WDPCP: variants seen among roughly 807,000 people sequenced by gnomAD.
WDPCP encodes WD repeat containing planar cell polarity effector.
A neutral mutation model predicts 93.1 loss-of-function variants in WDPCP; 71 were observed. The ratio of observed to expected loss-of-function variants is 0.76; its 90% CI spans 0.63 to 0.93. The LOEUF (loss-of-function observed/expected upper bound fraction) is 0.93. Among genes scored for constraint, WDPCP ranks in the 40% least tolerant of loss-of-function variants. WDPCP has a pLI of 0.00. For missense variants in WDPCP, 844 were observed against 887.4 expected (o/e 0.95, Z 0.62); for synonymous variants, 315 against 315.0 (o/e 1.00, Z 0.00).
chr2:63,707,447 G>A (rs1033522346), intron 2 of WDPCP, among the ~76,000 whole-genome samples: 11 of 152,126 alleles, frequency 7.2e-5, no homozygotes, highest in South Asian at 2.1e-4. Context: ...CATTCGTCAC[G>A]TAGATCTCGT....
At chr2:63,492,315 T>C (rs1190485094) in intron 2 of WDPCP, among the ~76,000 whole-genome samples, 1 of 152,076 alleles carries the variant, frequency 6.6e-6, no homozygotes, top group Non-Finnish European at 1.5e-5. Context: ...CCCAAAATTG[T>C]GAAAAACAAA....
intron 13 of WDPCP, among the ~76,000 whole-genome samples, chr2:63,277,829 C>A (rs893095657): frequency 1.3e-5 from 2 of 152,128 alleles, no homozygotes; most frequent in Non-Finnish European, 2.9e-5. Context: ...ACTTTACTGA[C>A]AGTACTAAAC....
At chr2:63,313,164 G>C (rs1487484141) in intron 13 of WDPCP, 84 bp downstream of exon 13, 1 of 1,315,436 alleles carries the variant, frequency 7.6e-7, no homozygotes, top group Non-Finnish European at 1.1e-6. Flanking sequence ...GCTGCAAAAT[G>C]ACAGTAATCC....
intron 6 of WDPCP, among the ~76,000 whole-genome samples, chr2:63,472,009 C>T: frequency 6.6e-6 from 1 of 151,980 alleles, no homozygotes; most frequent in Non-Finnish European, 1.5e-5. Flanking sequence ...CATATGTATA[C>T]ATGTGACAAT....
intron 1 of WDPCP, among the ~76,000 whole-genome samples, chr2:63,541,401 A>G (rs181436563): frequency 6.6e-5 from 10 of 152,350 alleles, no homozygotes; most frequent in Non-Finnish European, 1.3e-4. Context: ...AGTTACAATT[A>G]TACATGGTTT....
chr2:63,587,465 T>C (rs908495313), intron 1 of WDPCP, among the ~76,000 whole-genome samples: 1 of 152,194 alleles, frequency 6.6e-6, no homozygotes, highest in African/African-American at 2.4e-5. Context: ...TTTCCAAAAA[T>C]AGCAAATCCT....
At chr2:63,354,668 ATG>A (rs759877205) in intron 12 of WDPCP, among the ~76,000 whole-genome samples, 7 of 151,536 alleles carry the variant, frequency 4.6e-5, no homozygotes, top group South Asian at 2.1e-4. Flanking sequence ...GTGTATATAT[ATG>A]TGTGTGTGTG....
chr2:63,634,133 G>T (rs374922871), intron 3 of WDPCP, among the ~76,000 whole-genome samples: 1 of 152,010 alleles, frequency 6.6e-6, no homozygotes, highest in African/African-American at 2.4e-5. Flanking sequence ...AAACAAAAAA[G>T]ATACAACTAT....
chr2:63,589,383 A>G (rs866218807), upstream of WDPCP: 1 of 1,550,574 alleles, frequency 6.4e-7, no homozygotes. Context: ...AAGGACGATA[A>G]GGTTTGCGAT....
intron 2 of WDPCP, among the ~76,000 whole-genome samples, chr2:63,683,110 C>T (rs1308972736): frequency 6.6e-6 from 1 of 151,810 alleles, no homozygotes; most frequent in Non-Finnish European, 1.5e-5. Context: ...AAATAAAAAG[C>T]AAGATAGTAA....
At chr2:63,622,562 A>C (rs1709756282) in intron 3 of WDPCP, 1 of 1,613,838 alleles carries the variant, frequency 6.2e-7, no homozygotes, top group Non-Finnish European at 8.5e-7. Context: ...TCATGGTCTG[A>C]TTCTGTGGGT....
At chr2:63,365,626 A>G (rs1159866205) in intron 12 of WDPCP, among the ~76,000 whole-genome samples, 2 of 152,116 alleles carry the variant, frequency 1.3e-5, no homozygotes, top group African/African-American at 4.8e-5. Flanking sequence ...CAGAGCACCA[A>G]TATTTTTTGA....
At chr2:63,380,439 A>C (rs1359521382) in intron 11 of WDPCP, among the ~76,000 whole-genome samples, 2 of 152,096 alleles carry the variant, frequency 1.3e-5, no homozygotes, top group African/African-American at 4.8e-5. Context: ...CTCATTGTAA[A>C]AATACTGGAA....
At chr2:63,390,826 C>A (rs1349798006) in intron 10 of WDPCP, among the ~76,000 whole-genome samples, 1 of 152,120 alleles carries the variant, frequency 6.6e-6, no homozygotes, top group African/African-American at 2.4e-5. Context: ...TACACTCTCC[C>A]AAGACTAAAA....
upstream of WDPCP, among the ~76,000 whole-genome samples, chr2:63,831,355 C>G (rs528814818): frequency 6.6e-6 from 1 of 152,152 alleles, no homozygotes; most frequent in Non-Finnish European, 1.5e-5. Flanking sequence ...TTCCTCACTC[C>G]AGTCTCCTCT....
chr2:63,313,591 G>A (rs925431264), intron 12 of WDPCP, among the ~76,000 whole-genome samples: 10 of 151,954 alleles, frequency 6.6e-5, no homozygotes, highest in South Asian at 2.1e-4. Flanking sequence ...TAGAAAATAC[G>A]TTGCCTCTTC....
chr2:63,651,919 A>C (rs1489085997), intron 2 of WDPCP, among the ~76,000 whole-genome samples: 1 of 152,236 alleles, frequency 6.6e-6, no homozygotes, highest in Non-Finnish European at 1.5e-5. Flanking sequence ...TGATTTTTGC[A>C]TGCTTCTTAT....
chr2:63,298,884 A>G (rs968659775), intron 13 of WDPCP, among the ~76,000 whole-genome samples: 1 of 152,180 alleles, frequency 6.6e-6, no homozygotes. Flanking sequence ...TTTATATCAT[A>G]GTGGTAGTCC....
chr2:63,161,000 T>C (rs1481912665), intron 15 of WDPCP, among the ~76,000 whole-genome samples: 2 of 152,148 alleles, frequency 1.3e-5, no homozygotes, highest in East Asian at 3.8e-4. Context: ...TGTATAAATA[T>C]AGGGGATTTG....
Sources: gnomAD v4.1 joint callset for allele counts (sites outside exome capture counted in the v4.1 genomes callset) on GRCh38, gnomAD v4.1.1 for gene constraint, MANE v1.5 for transcripts, NCBI Gene and HGNC (gene_info 2026-07-23, HGNC 2026-07-21) for gene names.